The following POU2AF1 variants were observed in gnomAD, a reference collection of about 807,000 sequenced individuals.
POU2AF1 encodes POU domain class 2-associating factor 1.
A neutral mutation model predicts 26.3 loss-of-function variants in POU2AF1; 12 were observed. That is an observed-to-expected ratio of 0.46 (90% CI 0.29 to 0.74). POU2AF1 has a LOEUF of 0.74. Ranked by LOEUF, POU2AF1 falls within the 30% of genes least tolerant of loss-of-function variation. The probability of loss-of-function intolerance (pLI) is 0.09; values close to 1 mark genes in which losing one functional copy is unlikely to be tolerated. For synonymous variants in POU2AF1, 175 were observed against 148.0 expected, an observed-to-expected ratio of 1.18 and a Z score of -1.32; for missense variants, 297 against 334.5, an observed-to-expected ratio of 0.89 and a Z score of 0.87.
intron 1 of POU2AF1, chr11:111,359,887 C>T (rs774028316): frequency 2.0e-6 from 1 of 506,904 alleles, no homozygotes; most frequent in Non-Finnish European, 4.0e-6. Flanking sequence ...TTTGTCTTCC[C>T]TTCACCTCTC....
At position 111,354,404 on chromosome 11, in the gene POU2AF1, T is replaced by G. The variant is rs765821965; in HGVS notation, c.628A>C (p.Ile210Leu). 263 of 1,613,936 alleles carry G rather than the reference T, an allele frequency of 1.6e-4. No homozygotes were observed. The highest frequency in any genetic ancestry group is 2.1e-4 in the Non-Finnish European group (247 of 1,179,988). The change falls in exon 5 of 5, where the codon ATC becomes CTC. Residue 210 changes from isoleucine (I) to leucine (L), a missense_variant. Coordinates refer to ENST00000393067, the MANE Select transcript of POU2AF1 (RefSeq NM_006235.3). ...LPGPQFVQLP[I>L]SIPEPVLQDM... is the part of the protein sequence containing the mutation. ...TGAAGGACTGGCTCTGGGATAGAGA[T>G]GGGGAGCTGGACAAACTGGGGCCCA...
chr11:111,358,799 C>T lies in POU2AF1; in HGVS notation c.136G>A (p.Ala46Thr), dbSNP rs754477961. 1.3e-6 allele frequency: 2 copies of T among 1,598,148 alleles called. No individual in the cohort carries two copies. Among genetic ancestry groups the T allele is most frequent in the Non-Finnish European group, 1.7e-6 (2 of 1,175,758 alleles). Reference protein sequence around the residue: ...RGHASSGAAPAPTAVVLPHQP... With the variant: ...RGHASSGAAPTPTAVVLPHQP... ...ACACAAACTCTCACCGCCGTAGGTGCAGGTGCTGCCCCACTGCTGGCGTGG... is the reference window on the plus strand; with the variant it reads ...ACACAAACTCTCACCGCCGTAGGTGTAGGTGCTGCCCCACTGCTGGCGTGG... Residue 46 changes from alanine (A) to threonine (T), a missense_variant, in exon 2 of 5, where the codon GCA becomes ACA. By Grantham distance (58) the Ala-to-Thr change is moderately conservative (BLOSUM62 0). Transcript: ENST00000393067.
chr11:111,368,319 G>A (rs1861143398), intron 1 of POU2AF1, among the ~76,000 whole-genome samples: 1 of 151,972 alleles, frequency 6.6e-6, no homozygotes, highest in Non-Finnish European at 1.5e-5. Context: ...CTGGTCTGGG[G>A]CCAGAGACTC....
chr11:111,372,411 CT>C (rs5794743), intron 1 of POU2AF1, among the ~76,000 whole-genome samples: 103,045 of 151,836 alleles, frequency 0.68, 35,778 homozygotes, highest in Admixed American at 0.78. Context: ...ATCTGCAGGG[CT>C]TTTTTTTGCC....
chr11:111,358,653 C>T, intron 2 of POU2AF1, 135 bp downstream of exon 2: 1 of 1,121,348 alleles, frequency 8.9e-7, no homozygotes, highest in Non-Finnish European at 1.3e-6. Flanking sequence ...CACACTCTCA[C>T]ACACTCTATC....
intron 1 of POU2AF1, among the ~76,000 whole-genome samples, chr11:111,366,540 G>A (rs1861108484): frequency 6.6e-6 from 1 of 152,182 alleles, no homozygotes; most frequent in Non-Finnish European, 1.5e-5. Context: ...GGTCTGGGTG[G>A]AGAAGATAAA....
At chr11:111,364,154 C>T (rs569290127) in intron 1 of POU2AF1, 24 of 198,746 alleles carry the variant, frequency 1.2e-4, no homozygotes, top group Admixed American at 6.5e-4. Flanking sequence ...TGCCACACAC[C>T]CAGACATGCT....
intron 1 of POU2AF1, among the ~76,000 whole-genome samples, chr11:111,378,570 A>C (rs1399176373): frequency 6.6e-6 from 1 of 152,216 alleles, no homozygotes; most frequent in African/African-American, 2.4e-5. Flanking sequence ...TGGGATGGAC[A>C]AGCCTTGTCA....
intron 1 of POU2AF1, among the ~76,000 whole-genome samples, chr11:111,375,678 C>T (rs1007228292): frequency 6.6e-6 from 1 of 152,086 alleles, no homozygotes; most frequent in African/African-American, 2.4e-5. Context: ...GGATTACAGG[C>T]GCCCGCCACC....
chr11:111,355,162 G>C (rs796250222), intron 4 of POU2AF1, among the ~76,000 whole-genome samples: 38 of 152,280 alleles, frequency 2.5e-4, no homozygotes, highest in African/African-American at 7.7e-4. Context: ...TCCCCAGATG[G>C]GGGAAGCACT....
chr11:111,376,719 C>A (rs1052903340), intron 1 of POU2AF1, among the ~76,000 whole-genome samples: 1 of 152,098 alleles, frequency 6.6e-6, no homozygotes, highest in Non-Finnish European at 1.5e-5. Context: ...AAAGAAAGTG[C>A]CCTTTCAGCA....
At chr11:111,359,606 G>A (rs558444022) in intron 1 of POU2AF1, among the ~76,000 whole-genome samples, 17 of 152,350 alleles carry the variant, frequency 1.1e-4, no homozygotes, top group African/African-American at 1.2e-4. Context: ...GGAATATTGA[G>A]AGAAGTCACT....
chr11:111,365,608 C>T (rs1358831100), intron 1 of POU2AF1, among the ~76,000 whole-genome samples: 1 of 152,150 alleles, frequency 6.6e-6, no homozygotes, highest in African/African-American at 2.4e-5. Context: ...AAGACTATGG[C>T]CAACAAACTT....
At chr11:111,373,013 A>G (rs770339312) in intron 1 of POU2AF1, among the ~76,000 whole-genome samples, 1 of 152,244 alleles carries the variant, frequency 6.6e-6, no homozygotes, top group African/African-American at 2.4e-5. Flanking sequence ...CAGATTAGAA[A>G]GGAAAAAGGA....
In POU2AF1 at chr11:111,354,169, G is replaced by T. The variant is rs1229773255; in HGVS notation, c.*92C>A. 8 of 1,390,580 alleles carry T rather than the reference G, an allele frequency of 5.8e-6. No individual in the cohort carries two copies. The East Asian group carries it at 1.4e-4, about 24-fold the overall frequency. The allele number at this position is 1,390,580 out of a possible 1,614,324, so 86.1% of individuals were successfully genotyped here. ...TGCGTAGAAAGTGTAGTCATGAAATGACTACTCCAAACAAGCATGAACCTG... is the reference window on the plus strand; with the variant it reads ...TGCGTAGAAAGTGTAGTCATGAAATTACTACTCCAAACAAGCATGAACCTG... On this transcript the variant is annotated 3_prime_UTR_variant, in exon 5 of 5. Transcript: ENST00000393067.
chr11:111,365,700 TAGA>T (rs1176405156), intron 1 of POU2AF1, among the ~76,000 whole-genome samples: 8 of 152,140 alleles, frequency 5.3e-5, no homozygotes, highest in Non-Finnish European at 1.0e-4. Flanking sequence ...TACATTTTCA[TAGA>T]AGAATTAGCT....
At chr11:111,370,925 A>G (rs1861197876) in intron 1 of POU2AF1, among the ~76,000 whole-genome samples, 1 of 152,218 alleles carries the variant, frequency 6.6e-6, no homozygotes, top group South Asian at 2.1e-4. Flanking sequence ...AAATAATTCC[A>G]TTATTGGATG....
In POU2AF1 at chr11:111,358,771, C is replaced by G; in HGVS notation, c.147+17G>C. ...TCACACACACACACTCACACTCTCA[C>G]ACACACAAACTCTCACCGCCGTAGG... On this transcript the variant is annotated intron_variant, in intron 2 of 4. Coordinates refer to ENST00000393067, the MANE Select transcript of POU2AF1 (RefSeq NM_006235.3). The G allele has an allele frequency of 6.4e-7, 1 of 1,565,494 alleles. No homozygotes were observed. Among genetic ancestry groups the G allele is most frequent in the Non-Finnish European group, 8.6e-7 (1 of 1,159,852 alleles).
At chr11:111,378,525 C>G (rs1861354560) in intron 1 of POU2AF1, among the ~76,000 whole-genome samples, 1 of 152,160 alleles carries the variant, frequency 6.6e-6, no homozygotes, top group Non-Finnish European at 1.5e-5. Flanking sequence ...GGATAAAAAT[C>G]AAGGCCAAAG....
Sources: allele counts gnomAD v4.1 joint callset (sites outside exome capture counted in the v4.1 genomes callset), GRCh38; gene constraint gnomAD v4.1.1; transcripts MANE v1.5; gene names NCBI Gene and HGNC (gene_info 2026-07-23, HGNC 2026-07-21).